ZFHX3: variants seen among roughly 807,000 people sequenced by gnomAD.
The protein encoded by ZFHX3 is zinc finger homeobox 3.
In ZFHX3, 42 loss-of-function variants were observed where a neutral mutation model predicts 279.1. The observed-to-expected ratio is 0.15, with a 90% CI of 0.12 to 0.19. ZFHX3 has a LOEUF of 0.19. Ranked by LOEUF, ZFHX3 falls within the 10% of genes least tolerant of loss-of-function variation. The probability of loss-of-function intolerance (pLI) is 1.00; values close to 1 mark genes in which losing one functional copy is unlikely to be tolerated. For synonymous variants in ZFHX3, 2,293 were observed against 1,957.8 expected (o/e 1.17, Z -4.52); for missense variants, 4,981 against 4,754.0 (o/e 1.05, Z -1.40).
intron 5 of ZFHX3, among the ~76,000 whole-genome samples, chr16:73,184,199 G>A (rs1199286876): frequency 2.0e-5 from 3 of 152,126 alleles, no homozygotes; most frequent in Non-Finnish European, 2.9e-5. Context: ...GGCTTGCCAC[G>A]TGGCTCAGTG....
intron 9 of ZFHX3, chr16:72,791,343 T>C (rs1433544872): frequency 6.6e-6 from 1 of 152,242 alleles, no homozygotes; most frequent in Admixed American, 6.5e-5. Flanking sequence ...TACGGTCAGG[T>C]GATGATAACT....
chr16:73,329,322 G>A (rs1306904595), intron 3 of ZFHX3, among the ~76,000 whole-genome samples: 2 of 152,208 alleles, frequency 1.3e-5, no homozygotes, highest in African/African-American at 2.4e-5. Flanking sequence ...GCGGTGTTGA[G>A]GAAATATCTT....
chr16:72,906,394 G>T (rs1299018554), intron 3 of ZFHX3, among the ~76,000 whole-genome samples: 1 of 151,926 alleles, frequency 6.6e-6, no homozygotes, highest in African/African-American at 2.4e-5. Context: ...CATGGGACCG[G>T]GGTGGGGAGC....
chr16:73,366,616 A>G (rs928187049), intron 3 of ZFHX3, among the ~76,000 whole-genome samples: 2 of 149,790 alleles, frequency 1.3e-5, no homozygotes, highest in Non-Finnish European at 3.0e-5. Context: ...AGAGAGAAAG[A>G]GAGAGACAGA....
intron 1 of ZFHX3, among the ~76,000 whole-genome samples, chr16:72,985,037 C>T (rs1597055156): frequency 6.6e-6 from 1 of 152,116 alleles, no homozygotes. Flanking sequence ...ACCACCACTA[C>T]GAACACCAAC....
chr16:73,226,226 C>T (rs1487858867), intron 5 of ZFHX3, among the ~76,000 whole-genome samples: 2 of 152,306 alleles, frequency 1.3e-5, no homozygotes, highest in Non-Finnish European at 2.9e-5. Context: ...GCCTCAAAAT[C>T]TCCCTTCCTG....
chr16:72,925,621 A>G lies in ZFHX3; in HGVS notation c.3216+24848T>C, dbSNP rs180847320. Among the ~76,000 whole-genome samples, 5 of 152,348 alleles carry G rather than the reference A, an allele frequency of 3.3e-5. No homozygotes were observed. The East Asian group carries it at 9.6e-4, about 29-fold the overall frequency. On this transcript the variant is annotated intron_variant, in intron 3 of 9. Transcript: ENST00000268489. ...TAACCCCGTCCCGTGTCTTTCCCTT[A>G]TCTTGAGTTGCCTTTCACTTTGAAG...
intron 4 of ZFHX3, among the ~76,000 whole-genome samples, chr16:73,304,694 C>G (rs955718678): frequency 2.0e-5 from 3 of 152,168 alleles, no homozygotes; most frequent in African/African-American, 7.2e-5. Context: ...GACTCAAGCC[C>G]TCCTTTGAAC....
intron 8 of ZFHX3, among the ~76,000 whole-genome samples, chr16:73,079,495 AC>A (rs1965922320): frequency 6.6e-6 from 1 of 152,108 alleles, no homozygotes; most frequent in African/African-American, 2.4e-5. Context: ...TCCAAAAAAA[AC>A]CAATTATTTT....
At chr16:73,551,000 C>G (rs531686426) in intron 2 of ZFHX3, among the ~76,000 whole-genome samples, 3 of 152,244 alleles carry the variant, frequency 2.0e-5, no homozygotes, top group South Asian at 4.1e-4. Context: ...AAAACCAAGT[C>G]TTTGTTAACA....
At chr16:73,766,332 C>T (rs1174638188) in intron 1 of ZFHX3, among the ~76,000 whole-genome samples, 3 of 152,180 alleles carry the variant, frequency 2.0e-5, no homozygotes, top group Non-Finnish European at 4.4e-5. Context: ...CTTGTTTCTT[C>T]TGCGAAATAA....
chr16:73,729,461 A>T (rs2053549999), intron 1 of ZFHX3, among the ~76,000 whole-genome samples: 1 of 152,094 alleles, frequency 6.6e-6, no homozygotes, highest in Non-Finnish European at 1.5e-5. Flanking sequence ...CCTGGGCGGC[A>T]GAGGCTGTAG....
intron 5 of ZFHX3, among the ~76,000 whole-genome samples, chr16:73,253,398 T>C (rs562242475): frequency 1.3e-5 from 2 of 151,816 alleles, no homozygotes; most frequent in African/African-American, 4.8e-5. Context: ...CACCTGATCT[T>C]GGAGAACACA....
intron 1 of ZFHX3, among the ~76,000 whole-genome samples, chr16:73,682,906 GAGAAAGAAAGAGAGAA>G (rs1567550566): frequency 0.012 from 349 of 28,670 alleles, 18 homozygotes; most frequent in Non-Finnish European, 0.019. Context: ...AAGAAAGAAA[GAGAAAGAAAGAGAGAA>G]AGAGAAAGAA....
At chr16:73,136,958 A>G (rs1966806675) in intron 6 of ZFHX3, among the ~76,000 whole-genome samples, 1 of 151,360 alleles carries the variant, frequency 6.6e-6, no homozygotes, top group Non-Finnish European at 1.5e-5. Context: ...TTAACAAACC[A>G]TAACAGCTTT....
intron 1 of ZFHX3, among the ~76,000 whole-genome samples, chr16:72,979,921 G>T (rs1028628035): frequency 1.3e-5 from 2 of 152,068 alleles, no homozygotes; most frequent in Non-Finnish European, 2.9e-5. Context: ...TATTTACAAT[G>T]TCCAAGAGAA....
intron 3 of ZFHX3, among the ~76,000 whole-genome samples, chr16:73,352,322 C>T (rs1007313191): frequency 5.9e-5 from 9 of 152,072 alleles, no homozygotes; most frequent in Non-Finnish European, 8.8e-5. Context: ...TCAAATAGCT[C>T]GGTAAGCATG....
intron 3 of ZFHX3, among the ~76,000 whole-genome samples, chr16:73,408,823 C>T (rs2017412944): frequency 6.6e-6 from 1 of 151,972 alleles, no homozygotes; most frequent in Admixed American, 6.6e-5. Context: ...TTGGTCCTCT[C>T]CCATGGGAGA....
chr16:72,827,871 T>C (rs2036971867), intron 5 of ZFHX3, among the ~76,000 whole-genome samples: 1 of 152,204 alleles, frequency 6.6e-6, no homozygotes. Flanking sequence ...CCTGGTGTGC[T>C]GCCCATTCAT....
Sources: allele counts gnomAD v4.1 joint callset (sites outside exome capture counted in the v4.1 genomes callset), GRCh38; gene constraint gnomAD v4.1.1; transcripts MANE v1.5; gene names NCBI Gene and HGNC (gene_info 2026-07-23, HGNC 2026-07-21).